The following IGDCC4 variants were observed in gnomAD, a reference collection of about 807,000 sequenced individuals.
IGDCC4 encodes immunoglobulin superfamily DCC subclass member 4.
In IGDCC4, 72 loss-of-function variants were observed where a neutral mutation model predicts 116.6. That is an observed-to-expected ratio of 0.62 (90% confidence interval 0.51 to 0.75). IGDCC4 has a LOEUF of 0.75. Among genes scored for constraint, IGDCC4 ranks in the 30% least tolerant of loss-of-function variants. The probability of loss-of-function intolerance (pLI) is 0.00; values close to 1 mark genes in which losing one functional copy is unlikely to be tolerated. For missense variants in IGDCC4, 1,501 were observed against 1,662.4 expected (o/e 0.90, Z 1.69); for synonymous variants, 709 against 719.9 (o/e 0.98, Z 0.24).
At chr15:65,420,193 C>T (rs1482070976) in intron 1 of IGDCC4, among the ~76,000 whole-genome samples, 1 of 152,176 alleles carries the variant, frequency 6.6e-6, no homozygotes, top group African/African-American at 2.4e-5. Flanking sequence ...GTGATCCGCC[C>T]GCCTTGGCCT....
chr15:65,411,363 C>T lies in IGDCC4; in HGVS notation c.78G>A (p.Leu26=). 2.5e-6 allele frequency: 4 copies of T among 1,570,406 alleles called. No individual in the cohort carries two copies. Among genetic ancestry groups the T allele is most frequent in the Non-Finnish European group, 3.5e-6 (4 of 1,155,634 alleles). ...CCACAGTCGTCTCCTGGGGCAACAG[C>T]AGCTCCCCTGCATAGAGGAGGAGCA... The part of the protein sequence containing the change: ...TFCLLAARGE[L]LLPQETTVEL... Residue 26 remains leucine, a synonymous_variant, in exon 2 of 20, where the codon CTG becomes CTA. Transcript: ENST00000352385.
At position 65,411,079 on chromosome 15, in the gene IGDCC4, C is replaced by T. The variant is rs377304189; in HGVS notation, c.362G>A (p.Cys121Tyr). ...CACTCCGAGGGGGCCGTGGGCTAGGCACGAATAGTTGCCTTCAATGACCCC... is the reference window on the plus strand; with the variant it reads ...CACTCCGAGGGGGCCGTGGGCTAGGTACGAATAGTTGCCTTCAATGACCCC... ...AVGVIEGNYS[C>Y]LAHGPLGVLA... The change falls in exon 2 of 20, where the codon TGC (cysteine) becomes TAC (tyrosine). Residue 121 changes from cysteine to tyrosine, a missense_variant. Cys to Tyr is a radical substitution (Grantham distance 194, BLOSUM62 -2). Coordinates refer to ENST00000352385, the MANE Select transcript of IGDCC4 (RefSeq NM_020962.3). 6 of 1,614,026 alleles carry T rather than the reference C, an allele frequency of 3.7e-6. No individual in the cohort carries two copies. The highest frequency in any genetic ancestry group is 2.7e-5 in the African/African-American group (2 of 74,928).
chr15:65,404,782 C>T (rs1187871436), intron 3 of IGDCC4, among the ~76,000 whole-genome samples: 1 of 152,150 alleles, frequency 6.6e-6, no homozygotes, highest in African/African-American at 2.4e-5. Context: ...TAGGGTTCAT[C>T]TAAAATCTTT....
chr15:65,403,790 C>T (rs2063014478), intron 3 of IGDCC4, among the ~76,000 whole-genome samples: 1 of 151,934 alleles, frequency 6.6e-6, no homozygotes, highest in African/African-American at 2.4e-5. Context: ...TGTTCCCTGC[C>T]CTCTGGGCTA....
Position 65,384,260 on chromosome 15 carries a change from A to G in IGDCC4, c.3502T>C (p.Ser1168Pro). 1.2e-6 allele frequency: 2 copies of G among 1,604,954 alleles called. No individual in the cohort carries two copies. Among genetic ancestry groups the G allele is most frequent in the Non-Finnish European group, 8.5e-7 (1 of 1,174,534 alleles). Reference protein sequence around the residue: ...PLPPEAPDLISGVGDPGQGAA... With the variant: ...PLPPEAPDLIPGVGDPGQGAA... ...CCCTGCCCTGGATCCCCAACACCCG[A>G]GATGAGATCAGGAGCCTCTGGAGGC... Residue 1168 changes from serine to proline, a missense_variant, in exon 20 of 20, where the codon TCG (serine) becomes CCG (proline). Around this residue, in one of 3 missense-constraint regions of IGDCC4, gnomAD observed 368 missense variants for 355.6 expected, o/e 1.03. Coordinates refer to ENST00000352385, the MANE Select transcript of IGDCC4 (RefSeq NM_020962.3). This position sits in a 1 kb window ranked among gnomAD's most constrained non-coding sequence, Gnocchi z 4.9.
chr15:65,402,318 C>T, intron 4 of IGDCC4, 33 bp downstream of exon 4: 1 of 1,552,364 alleles, frequency 6.4e-7, no homozygotes, highest in Non-Finnish European at 8.7e-7. Context: ...TTCCAGAAAC[C>T]CCCAGGTTTC....
chr15:65,419,253 A>G (rs1169099337), intron 1 of IGDCC4, among the ~76,000 whole-genome samples: 1 of 142,448 alleles, frequency 7.0e-6, no homozygotes, highest in Non-Finnish European at 1.5e-5. Flanking sequence ...AATTTTTCGT[A>G]GAAATGAGGT....
rs200592749 is a variant in IGDCC4 at position 65,411,000 on chromosome 15, C to T, written c.421+20G>A. The T allele has an allele frequency of 6.1e-5, 97 of 1,581,222 alleles. No individual in the cohort carries two copies. The highest frequency in any genetic ancestry group is 2.0e-4 in the East Asian group (9 of 44,372). ...AGTCTGGGTTTCAGCCTCAGACCCC[C>T]GCCCGATGCAAGCACTTACTGGCAA... is the stretch of plus-strand genomic sequence containing the variant. On this transcript the variant is annotated intron_variant, in intron 2 of 19. Transcript: ENST00000352385.
Position 65,410,165 on chromosome 15 carries a change from A to T in IGDCC4, c.563+13T>A. Reference sequence around the variant, plus strand: ...CCTGCCTACCAGGACCCGCTCCCCTACAGGGCACTCACCGAGGCTCCTCAG... The same window carrying T: ...CCTGCCTACCAGGACCCGCTCCCCTTCAGGGCACTCACCGAGGCTCCTCAG... On this transcript the variant is annotated intron_variant, in intron 3 of 19. Coordinates refer to ENST00000352385, the MANE Select transcript of IGDCC4 (RefSeq NM_020962.3). 1 of 1,611,940 alleles carries T rather than the reference A, an allele frequency of 6.2e-7. No individual in the cohort carries two copies. The highest frequency in any genetic ancestry group is 1.1e-5 in the South Asian group (1 of 91,014).
rs1277288921 is a variant in IGDCC4, at chr15:65,383,461, C to G, written c.*548G>C. The G allele has an allele frequency of 6.6e-6, 1 of 152,282 alleles. No homozygotes were observed. The highest frequency in any genetic ancestry group is 2.4e-5 in the African/African-American group (1 of 41,410). 9.4% of individuals were successfully genotyped at this position (152,282 alleles called of 1,614,324 possible). ...GAGTTGCTCGGAGGGGAGCCAGGGC[C>G]ACCCTCTCTATTTGGGCAATAAGGA... On this transcript the variant is annotated 3_prime_UTR_variant, in exon 20 of 20. Coordinates refer to ENST00000352385, the MANE Select transcript of IGDCC4 (RefSeq NM_020962.3).
At position 65,397,050 on chromosome 15, in the gene IGDCC4, TCCGA is replaced by T. The variant is rs1215673441; in HGVS notation, c.842-65_842-62del. 9 of 1,538,602 alleles carry T rather than the reference TCCGA, an allele frequency of 5.8e-6. No individual in the cohort carries two copies. The Admixed American group carries it at 1.8e-4, about 30-fold the overall frequency. On this transcript the variant is annotated intron_variant, in intron 5 of 19. Coordinates refer to ENST00000352385, the MANE Select transcript of IGDCC4 (RefSeq NM_020962.3). ...CTAGGGACTGCCCTTCCCTTCAGTC[TCCGA>T]ACCTCAGGAACACTCTGCACCCGGA...
At chr15:65,412,766 T>G (rs908119267) in intron 1 of IGDCC4, among the ~76,000 whole-genome samples, 5 of 152,024 alleles carry the variant, frequency 3.3e-5, no homozygotes, top group Middle Eastern at 3.4e-3. Context: ...GACCTCATCA[T>G]TATAAAAAAA....
chr15:65,396,214 C>G, intron 6 of IGDCC4, 51 bp from the exon 7 acceptor site: 2 of 1,376,328 alleles, frequency 1.5e-6, no homozygotes, highest in South Asian at 2.8e-5. Context: ...ACTAAGGTCT[C>G]TGCCCCCCCC....
rs561167961 is a variant in IGDCC4 at position 65,388,652 on chromosome 15, G to C, written c.2708-66C>G. On this transcript the variant is annotated intron_variant, in intron 15 of 19. Transcript: ENST00000352385. ...GGGTGGGTGGATGCAGAGGTGGGCAGGGAGGGGACTGGGAGAGTCTGCTCT... is the reference window on the plus strand; with the variant it reads ...GGGTGGGTGGATGCAGAGGTGGGCACGGAGGGGACTGGGAGAGTCTGCTCT... 5.4e-4 allele frequency: 872 copies of C among 1,608,356 alleles called. 2 individuals carry two copies. Among genetic ancestry groups the C allele is most frequent in the Middle Eastern group, 3.3e-3 (20 of 6,026 alleles).
rs750661469 is a variant in IGDCC4, at chr15:65,395,865, G to T, written c.1296C>A (p.Pro432=). Residue 432 remains proline (P), a synonymous_variant, in exon 7 of 20, where the codon CCC becomes CCA. Transcript: ENST00000352385. Reference sequence around the variant, plus strand: ...TCAGTGGCGTAGCAGTGACCCGCGTGGGGGCGCTGGGCAGCCCCTCGCGCA... The same window carrying T: ...TCAGTGGCGTAGCAGTGACCCGCGTTGGGGCGCTGGGCAGCCCCTCGCGCA... The part of the protein sequence containing the change: ...VVVREGLPSA[P]TRVTATPLSS... 5.1e-6 allele frequency: 8 copies of T among 1,581,448 alleles called. No homozygotes were observed. The African/African-American group carries it at 9.4e-5, about 19-fold the overall frequency.
chr15:65,396,885 T>A lies in IGDCC4; in HGVS notation c.946A>T (p.Lys316Ter). The change falls in exon 6 of 20, where the codon AAG becomes TAG. Residue 316 changes from lysine (K) to a stop codon, truncating the protein, a stop_gained. Transcript: ENST00000352385. LOFTEE classifies it high-confidence loss of function. ...HSGVYVCRAN[K>*]PRTRDFATAA... ...GTGGCGAAGTCGCGCGTGCGGGGCT[T>A]GTTGGCGCGGCAGACATAGACGCCG... The A allele has an allele frequency of 6.3e-7, 1 of 1,576,700 alleles. No individual in the cohort carries two copies. Among genetic ancestry groups the A allele is most frequent in the Non-Finnish European group, 8.6e-7 (1 of 1,161,326 alleles).
intron 13 of IGDCC4, 49 bp downstream of exon 13, chr15:65,390,106 C>T (rs755358820): frequency 8.1e-6 from 12 of 1,483,466 alleles, no homozygotes; most frequent in Non-Finnish European, 1.0e-5. Context: ...CACCACCCCC[C>T]ACCTATTCTT....
chr15:65,401,090 A>C (rs2062981289), intron 4 of IGDCC4, 144 bp from the exon 5 acceptor site: 1 of 1,054,372 alleles, frequency 9.5e-7, no homozygotes, highest in African/African-American at 1.6e-5. Flanking sequence ...CGTAGCCATA[A>C]AATTCAGCAG....
chr15:65,400,457 T>A (rs1456814349), intron 5 of IGDCC4, among the ~76,000 whole-genome samples: 1 of 152,186 alleles, frequency 6.6e-6, no homozygotes, highest in Non-Finnish European at 1.5e-5. Context: ...CCTTCCCAGC[T>A]CTCAAGTACT....
Sources: allele counts gnomAD v4.1 joint callset (sites outside exome capture counted in the v4.1 genomes callset), GRCh38; gene constraint gnomAD v4.1.1; regional missense constraint gnomAD v4.1.1; non-coding constraint Gnocchi (gnomAD v3.1); transcripts MANE v1.5; gene names NCBI Gene and HGNC (gene_info 2026-07-23, HGNC 2026-07-21).